FAF1: variants seen among roughly 807,000 people sequenced by gnomAD.
The protein encoded by FAF1 is FAS-associated factor 1.
Under a neutral mutation model 92.5 loss-of-function variants are expected in FAF1, and 25 were observed. The ratio of observed to expected loss-of-function variants is 0.27; its 90% CI spans 0.20 to 0.38. The LOEUF (loss-of-function observed/expected upper bound fraction) is 0.38, where lower values mean the gene tolerates loss of function less well. Among genes scored for constraint, FAF1 ranks in the 10% least tolerant of loss-of-function variants. The pLI is 1.00. For missense variants in FAF1, 636 were observed against 793.3 expected (o/e 0.80, Z 2.38); for synonymous variants, 234 against 273.2 (o/e 0.86, Z 1.42).
At position 50,842,337 on chromosome 1, in the gene FAF1, C is replaced by G. The variant is rs79307121; in HGVS notation, c.114+15592G>C. 5.7e-4 allele frequency among the ~76,000 whole-genome samples: 86 copies of G among 152,090 alleles called. 2 individuals carry two copies. In the East Asian group the frequency reaches 0.016, roughly 28 times the overall value. ...GGTCTGGGTAATTATTTCCTTGAAA[C>G]AATAATTAGCTTTTAGCTTGCCATT... On this transcript the variant is annotated intron_variant, in intron 2 of 18. Transcript: ENST00000396153.
At chr1:50,805,268 A>G (rs1247844335) in intron 2 of FAF1, among the ~76,000 whole-genome samples, 2 of 152,190 alleles carry the variant, frequency 1.3e-5, no homozygotes, top group African/African-American at 2.4e-5. Context: ...CCATTTTGGT[A>G]TAACTATTAC....
intron 1 of FAF1, among the ~76,000 whole-genome samples, chr1:50,957,774 C>T (rs1013914238): frequency 1.3e-5 from 2 of 151,914 alleles, no homozygotes; most frequent in Non-Finnish European, 2.9e-5. Flanking sequence ...TAATAATTGT[C>T]ACACACAAAA....
At chr1:50,596,268 A>G in intron 8 of FAF1, 52 bp from the exon 9 acceptor site, 2 of 1,341,280 alleles carry the variant, frequency 1.5e-6, no homozygotes, top group Non-Finnish European at 2.1e-6. Flanking sequence ...CATGTTTCAC[A>G]AAAGGATTTG....
At chr1:50,710,243 G>C (rs1423115234) in intron 6 of FAF1, among the ~76,000 whole-genome samples, 1 of 152,144 alleles carries the variant, frequency 6.6e-6, no homozygotes, top group Non-Finnish European at 1.5e-5. Flanking sequence ...GCAGACTTGT[G>C]TAATAACTTT....
intron 6 of FAF1, among the ~76,000 whole-genome samples, chr1:50,737,758 A>G (rs1659201788): frequency 6.6e-6 from 1 of 152,160 alleles, no homozygotes; most frequent in African/African-American, 2.4e-5. Flanking sequence ...GCCAAATTTA[A>G]TTTTATTTTT....
chr1:50,921,914 C>T (rs1403591521), intron 1 of FAF1, among the ~76,000 whole-genome samples: 1 of 152,186 alleles, frequency 6.6e-6, no homozygotes, highest in Non-Finnish European at 1.5e-5. Flanking sequence ...CACCTGTAAT[C>T]CCAGCACTTT....
chr1:50,478,803 A>G (rs183676035), intron 17 of FAF1, among the ~76,000 whole-genome samples: 69 of 152,320 alleles, frequency 4.5e-4, no homozygotes, highest in Admixed American at 1.2e-3. Flanking sequence ...AATTTGAGTC[A>G]GTGTTGTATT....
intron 8 of FAF1, among the ~76,000 whole-genome samples, chr1:50,604,285 G>A (rs944258043): frequency 3.9e-5 from 6 of 152,140 alleles, no homozygotes; most frequent in African/African-American, 7.2e-5. Flanking sequence ...CCAGAGAGAA[G>A]GTATCAGCAG....
chr1:50,609,544 C>T (rs972889147), intron 8 of FAF1, among the ~76,000 whole-genome samples: 8 of 152,152 alleles, frequency 5.3e-5, no homozygotes, highest in African/African-American at 1.2e-4. Context: ...GCCACCACAT[C>T]TGGCCAACTT....
intron 1 of FAF1, among the ~76,000 whole-genome samples, chr1:50,873,037 CCACT>C (rs1189105310): frequency 5.3e-5 from 8 of 152,196 alleles, no homozygotes; most frequent in African/African-American, 1.7e-4. Context: ...CTTTCAGCAA[CCACT>C]ATCCTGATCA....
At chr1:50,782,523 A>G (rs951718657) in intron 4 of FAF1, among the ~76,000 whole-genome samples, 4 of 152,122 alleles carry the variant, frequency 2.6e-5, no homozygotes, top group African/African-American at 9.7e-5. Context: ...GCAAGGTGTT[A>G]TAAAAATGTC....
chr1:50,490,088 G>A (rs1294031528), intron 17 of FAF1, among the ~76,000 whole-genome samples: 3 of 152,142 alleles, frequency 2.0e-5, no homozygotes, highest in South Asian at 2.1e-4. Context: ...AGCTGGGTGC[G>A]GTGGCTCACG....
intron 15 of FAF1, among the ~76,000 whole-genome samples, chr1:50,508,562 G>T (rs952052366): frequency 3.3e-5 from 5 of 152,204 alleles, no homozygotes; most frequent in Non-Finnish European, 5.9e-5. Flanking sequence ...AATGAGTGTT[G>T]TCAGGGGCTA....
intron 4 of FAF1, chr1:50,781,078 T>C: frequency 2.6e-6 from 1 of 390,934 alleles, no homozygotes; most frequent in Non-Finnish European, 5.1e-6. Context: ...GGACATTGAG[T>C]ACCAGCTCTC....
At chr1:50,489,714 T>C (rs1197757926) in intron 17 of FAF1, among the ~76,000 whole-genome samples, 1 of 152,138 alleles carries the variant, frequency 6.6e-6, no homozygotes, top group Non-Finnish European at 1.5e-5. Context: ...CATGAACTCA[T>C]GGAAAAAATC....
chr1:50,894,321 A>C (rs1345602619), intron 1 of FAF1, among the ~76,000 whole-genome samples: 3 of 150,456 alleles, frequency 2.0e-5, no homozygotes, highest in South Asian at 2.1e-4. Flanking sequence ...AAAAAAAAAA[A>C]AAAAAAAAAC....
intron 1 of FAF1, among the ~76,000 whole-genome samples, chr1:50,868,978 T>C (rs1644505124): frequency 6.6e-6 from 1 of 152,208 alleles, no homozygotes; most frequent in Non-Finnish European, 1.5e-5. Flanking sequence ...GTTCTATTAA[T>C]TACTGAGAGA....
At chr1:50,551,307 A>G (rs1242105106) in intron 13 of FAF1, among the ~76,000 whole-genome samples, 6 of 152,204 alleles carry the variant, frequency 3.9e-5, no homozygotes, top group Non-Finnish European at 8.8e-5. Flanking sequence ...ACACAGTTTA[A>G]TGGTATATAG....
At chr1:50,723,871 C>T (rs563078553) in intron 6 of FAF1, among the ~76,000 whole-genome samples, 1 of 152,210 alleles carries the variant, frequency 6.6e-6, no homozygotes, top group Admixed American at 6.5e-5. Context: ...GACTCAGCCT[C>T]CTGAGTAGCT....
Sources: allele counts gnomAD v4.1 joint callset (sites outside exome capture counted in the v4.1 genomes callset), GRCh38; gene constraint gnomAD v4.1.1; transcripts MANE v1.5; gene names NCBI Gene and HGNC (gene_info 2026-07-23, HGNC 2026-07-21).